Variants in DAB2IP observed in about 807,000 individuals in gnomAD.
DAB2IP encodes DAB2 interacting protein, also known as disabled homolog 2-interacting protein.
Under a neutral mutation model 107.2 loss-of-function variants are expected in DAB2IP, and 28 were observed. That is an observed-to-expected ratio of 0.26 (90% CI 0.19 to 0.36). The LOEUF (loss-of-function observed/expected upper bound fraction) is 0.36, where lower values mean the gene tolerates loss of function less well. Among genes scored for constraint, DAB2IP ranks in the 10% least tolerant of loss-of-function variants. The pLI is 1.00. For synonymous variants in DAB2IP, 755 were observed against 706.4 expected, an observed-to-expected ratio of 1.07 and a Z score of -1.09; for missense variants, 1,400 against 1,644.7, an observed-to-expected ratio of 0.85 and a Z score of 2.57.
chr9:121,723,806 A>C (rs114154739), intron 3 of DAB2IP, among the ~76,000 whole-genome samples: 34 of 152,256 alleles, frequency 2.2e-4, no homozygotes, highest in African/African-American at 8.2e-4. Flanking sequence ...AGATTTGTCT[A>C]CTTAGGCTGG....
intron 1 of DAB2IP, among the ~76,000 whole-genome samples, chr9:121,583,208 G>A (rs12001869): frequency 0.037 from 5,565 of 152,254 alleles, 288 homozygotes; most frequent in African/African-American, 0.11. Flanking sequence ...CCAACATGGC[G>A]AAACCCCGTC....
chr9:121,783,432 T>C, exon 16 of DAB2IP: 3 of 1,608,604 alleles, frequency 1.9e-6, no homozygotes, highest in Non-Finnish European at 2.5e-6. Flanking sequence ...GTGCTCACCC[T>C]GAAAGAAAAG....
intron 8 of DAB2IP, among the ~76,000 whole-genome samples, chr9:121,764,997 G>C (rs974416402): frequency 3.3e-5 from 5 of 152,206 alleles, no homozygotes; most frequent in Admixed American, 2.6e-4. Flanking sequence ...ACAAGAAAAG[G>C]CAGGGGGAAT....
intron 1 of DAB2IP, among the ~76,000 whole-genome samples, chr9:121,632,499 C>G (rs1350379400): frequency 1.3e-5 from 2 of 152,144 alleles, no homozygotes; most frequent in African/African-American, 4.8e-5. Context: ...GCTCTCTTCC[C>G]TGCTGACCCT....
rs1832037324 is a variant in DAB2IP, at chr9:121,635,053, T to C, written c.41-43625T>C. On this transcript the variant is annotated intron_variant, in intron 1 of 16. Transcript: ENST00000259371. This position sits in a 1 kb window ranked among gnomAD's most constrained non-coding sequence, Gnocchi z 4.3. ...GTGCGCGTGCGTGTGTATGTGTGTG[T>C]GCATGTGCGTGTATGTCTATGTGCG... Among the ~76,000 whole-genome samples, 1 of 152,110 alleles carries C rather than the reference T, an allele frequency of 6.6e-6. No individual in the cohort carries two copies. Among genetic ancestry groups the C allele is most frequent in the Admixed American group, 6.5e-5 (1 of 15,272 alleles).
intron 3 of DAB2IP, 88 bp from the exon 4 acceptor site, chr9:121,756,925 G>T: frequency 1.3e-6 from 2 of 1,574,414 alleles, no homozygotes; most frequent in Admixed American, 1.7e-5. Context: ...CTGCTGGAAG[G>T]GGCACGGCCA....
intron 2 of DAB2IP, among the ~76,000 whole-genome samples, chr9:121,691,039 G>A (rs62572796): frequency 0.024 from 3,646 of 152,324 alleles, 70 homozygotes; most frequent in Non-Finnish European, 0.033. Flanking sequence ...GTCAAAAGCT[G>A]CCTCCTCCAG....
At chr9:121,733,342 A>G (rs931526514) in intron 3 of DAB2IP, among the ~76,000 whole-genome samples, 5 of 152,242 alleles carry the variant, frequency 3.3e-5, no homozygotes, top group African/African-American at 1.2e-4. Flanking sequence ...CGGGATGTAC[A>G]GGCGTTGCCT....
At chr9:121,626,672 C>T (rs1831659923) in intron 1 of DAB2IP, among the ~76,000 whole-genome samples, 1 of 152,048 alleles carries the variant, frequency 6.6e-6, no homozygotes, top group African/African-American at 2.4e-5. Context: ...GATCCGCCTG[C>T]CTCAGCCTCC....
At chr9:121,763,948 G>A (rs1218918285) in intron 8 of DAB2IP, 69 bp downstream of exon 8, 10 of 1,575,498 alleles carry the variant, frequency 6.3e-6, no homozygotes, top group East Asian at 4.5e-5. Flanking sequence ...TCTGGCACCC[G>A]CAGTGTGCCT....
intron 14 of DAB2IP, among the ~76,000 whole-genome samples, chr9:121,779,344 C>A (rs1835431008): frequency 6.6e-6 from 1 of 152,202 alleles, no homozygotes; most frequent in African/African-American, 2.4e-5. Flanking sequence ...ATTCTATCAT[C>A]TGTGACATCT....
In DAB2IP at chr9:121,783,517, A is replaced by AT. The variant is rs761518670; in HGVS notation, c.*1027dup. The AT allele has an allele frequency of 3.4e-5, 55 of 1,613,814 alleles. 1 individual carries two copies. The highest frequency in any genetic ancestry group is 4.4e-5 in the South Asian group (4 of 91,074). On this transcript the variant is annotated 3_prime_UTR_variant, in exon 16 of 16. Coordinates refer to ENST00000408936, the Ensembl canonical transcript of DAB2IP. ...GGCCCTGAGAAGGTGGATAACTGTG[A>AT]TTTTTTTTCCTTTCACAGTATGCAT...
At chr9:121,767,269 A>G (rs190520726) in intron 9 of DAB2IP, among the ~76,000 whole-genome samples, 24 of 152,342 alleles carry the variant, frequency 1.6e-4, no homozygotes, top group Admixed American at 1.6e-3. Flanking sequence ...GTTCATTCTC[A>G]AAACATAGAT....
intron 10 of DAB2IP, among the ~76,000 whole-genome samples, chr9:121,769,735 C>G (rs1402966525): frequency 6.6e-6 from 1 of 152,248 alleles, no homozygotes; most frequent in Non-Finnish European, 1.5e-5. Flanking sequence ...AGTCCCTGCA[C>G]TGCAGCCAAC....
intron 3 of DAB2IP, among the ~76,000 whole-genome samples, chr9:121,719,111 C>A (rs1415406259): frequency 2.0e-5 from 3 of 152,210 alleles, no homozygotes; most frequent in Non-Finnish European, 4.4e-5. Context: ...CCGGGCAAAC[C>A]TGGCTATGGT....
intron 12 of DAB2IP, 71 bp from the exon 13 acceptor site, chr9:121,774,189 C>G: frequency 6.9e-7 from 1 of 1,450,734 alleles, no homozygotes; most frequent in Admixed American, 2.5e-5. Flanking sequence ...TGTGGCTCAC[C>G]TGGGCCACTC....
intron 1 of DAB2IP, among the ~76,000 whole-genome samples, chr9:121,569,938 C>T (rs557364484): frequency 1.3e-5 from 2 of 151,454 alleles, no homozygotes; most frequent in African/African-American, 2.4e-5. Context: ...TACAAACATA[C>T]ACCACCACAC....
intron 3 of DAB2IP, among the ~76,000 whole-genome samples, chr9:121,709,436 G>A (rs1193754284): frequency 2.0e-5 from 3 of 152,132 alleles, no homozygotes; most frequent in East Asian, 1.9e-4. Flanking sequence ...GTGCTTTCTC[G>A]TGCATTTGCT....
intron 1 of DAB2IP, among the ~76,000 whole-genome samples, chr9:121,631,676 C>T (rs1350167897): frequency 3.3e-5 from 5 of 151,892 alleles, no homozygotes; most frequent in Admixed American, 2.6e-4. Context: ...ATTAGCTGGG[C>T]GTGGTGGCAT....
Sources: allele counts gnomAD v4.1 joint callset (sites outside exome capture counted in the v4.1 genomes callset), GRCh38; gene constraint gnomAD v4.1.1; non-coding constraint Gnocchi (gnomAD v3.1); transcripts MANE v1.5; gene names NCBI Gene and HGNC (gene_info 2026-07-23, HGNC 2026-07-21).